The following GPHN variants were observed in gnomAD, a reference collection of about 807,000 sequenced individuals.
The protein encoded by GPHN is gephyrin.
GPHN carries 17 observed loss-of-function variants against 95.5 expected under a neutral mutation model. That is an observed-to-expected ratio of 0.18 (90% CI 0.12 to 0.27). The LOEUF is 0.27. Ranked by LOEUF, GPHN falls within the 10% of genes least tolerant of loss-of-function variation. The probability of loss-of-function intolerance (pLI) is 1.00; values close to 1 mark genes in which losing one functional copy is unlikely to be tolerated. For synonymous variants in GPHN, 320 were observed against 322.5 expected, an observed-to-expected ratio of 0.99 and a Z score of 0.08; for missense variants, 660 against 978.1, an observed-to-expected ratio of 0.67 and a Z score of 4.34.
chr14:66,559,876 T>C (rs1454747247), intron 1 of GPHN, among the ~76,000 whole-genome samples: 4 of 152,234 alleles, frequency 2.6e-5, no homozygotes, highest in African/African-American at 9.6e-5. Context: ...GTTTTAGGTC[T>C]AACATGTAAG....
In GPHN at chr14:66,880,352, T is replaced by C. The variant is rs950431920; in HGVS notation, c.389+319T>C. 6.3e-5 allele frequency among the ~76,000 whole-genome samples: 5 copies of C among 79,596 alleles called. No homozygotes were observed. The African/African-American group carries it at 9.6e-4, about 15-fold the overall frequency. The allele number at this position is 79,596 out of a possible 152,430, so 52.2% of individuals were successfully genotyped here. A position where few individuals can be genotyped will look rare whatever the true frequency, so the allele number is the denominator to read the frequency against. ...ACAATTTTCCCACTTCACTTCTTTT[T>C]GTTGTTGTTGTTGTTGTTGTTGTTG... is the stretch of plus-strand genomic sequence containing the variant. On this transcript the variant is annotated intron_variant, in intron 5 of 22. Transcript: ENST00000478722.
At chr14:67,582,039 A>G in the GPHN span, 1 of 1,593,666 alleles carries the variant, frequency 6.3e-7, no homozygotes, top group East Asian at 2.2e-5. This position sits in a 1 kb window ranked among gnomAD's most constrained non-coding sequence, Gnocchi z 5.0. Flanking sequence ...ATCCCTGCTG[A>G]GTCCTGGTTT....
chr14:67,606,612 G>A, the GPHN span, among the ~76,000 whole-genome samples: 6 of 150,842 alleles, frequency 4.0e-5, no homozygotes, highest in Non-Finnish European at 8.8e-5. Context: ...CAAAGGAAAG[G>A]TAAAAAAGCC....
chr14:67,617,407 G>A, the GPHN span: 8 of 152,132 alleles, frequency 5.3e-5, no homozygotes, highest in African/African-American at 9.7e-5. Flanking sequence ...CACTACGTTC[G>A]GACCAAACTG....
At chr14:67,450,860 A>G in the GPHN span, among the ~76,000 whole-genome samples, 1 of 152,234 alleles carries the variant, frequency 6.6e-6, no homozygotes, top group Non-Finnish European at 1.5e-5. Flanking sequence ...AATCCCCAAG[A>G]CAATGGGGAA....
chr14:67,371,098 G>A, the GPHN span, among the ~76,000 whole-genome samples: 2 of 152,062 alleles, frequency 1.3e-5, no homozygotes, highest in Admixed American at 1.3e-4. Flanking sequence ...GAAATAAGAT[G>A]AGTCATAATA....
the GPHN span, among the ~76,000 whole-genome samples, chr14:67,346,997 T>C: frequency 6.6e-6 from 1 of 152,214 alleles, no homozygotes; most frequent in East Asian, 1.9e-4. Context: ...AAGACCTTTT[T>C]CTTTTTTGAG....
chr14:67,325,813 C>CTT, the GPHN span, among the ~76,000 whole-genome samples: 19 of 142,982 alleles, frequency 1.3e-4, no homozygotes, highest in South Asian at 4.5e-4. Flanking sequence ...TGTTAAGCAT[C>CTT]TTTTTTTTTT....
chr14:66,679,536 CT>C (rs2066817722), intron 1 of GPHN, among the ~76,000 whole-genome samples: 2 of 152,054 alleles, frequency 1.3e-5, no homozygotes. Context: ...AGTATTGTTT[CT>C]CCTCACTTTC....
intron 10 of GPHN, among the ~76,000 whole-genome samples, chr14:67,024,223 A>G (rs2073812211): frequency 6.6e-6 from 1 of 152,198 alleles, no homozygotes. Context: ...TTAACTCTGT[A>G]TATCATTCAT....
chr14:66,729,679 C>G (rs551400328), intron 2 of GPHN, among the ~76,000 whole-genome samples: 2 of 152,230 alleles, frequency 1.3e-5, no homozygotes, highest in East Asian at 3.9e-4. Flanking sequence ...TATATATTAA[C>G]TTGATATGAA....
intron 1 of GPHN, among the ~76,000 whole-genome samples, chr14:66,673,011 T>C (rs1388246988): frequency 6.6e-6 from 1 of 152,218 alleles, no homozygotes; most frequent in Non-Finnish European, 1.5e-5. Flanking sequence ...TTCTACCTTT[T>C]GTGTTTCTAA....
At position 66,918,231 on chromosome 14, in the gene GPHN, AT is replaced by A. The variant is rs1398871184; in HGVS notation, c.456+2163del. Among the ~76,000 whole-genome samples, 4 of 152,310 alleles carry A rather than the reference AT, an allele frequency of 2.6e-5. No individual in the cohort carries two copies. The East Asian group carries it at 7.7e-4, about 29-fold the overall frequency. On this transcript the variant is annotated intron_variant, in intron 6 of 22. Transcript: ENST00000478722. Reference sequence around the variant, plus strand: ...TCTGTTGTCCTCTCTCTTTGGAGACATGGACATGTCACCCTTCTGGCGTCAA... The same window carrying A: ...TCTGTTGTCCTCTCTCTTTGGAGACAGGACATGTCACCCTTCTGGCGTCAA...
At chr14:67,035,160 G>A (rs536085465) in intron 10 of GPHN, among the ~76,000 whole-genome samples, 48 of 151,688 alleles carry the variant, frequency 3.2e-4, no homozygotes, top group African/African-American at 1.2e-3. Context: ...CAACCAGTAG[G>A]TCAAAGGAAA....
chr14:67,224,676 A>G, the GPHN span: 2 of 322,582 alleles, frequency 6.2e-6, no homozygotes, highest in South Asian at 2.5e-5. Context: ...TGATTCTTTG[A>G]TATTTTTTCC....
At chr14:67,269,127 G>C in the GPHN span, among the ~76,000 whole-genome samples, 1 of 152,070 alleles carries the variant, frequency 6.6e-6, no homozygotes, top group Non-Finnish European at 1.5e-5. Context: ...TACAGTATGT[G>C]GTCGTGGTCC....
At chr14:66,687,678 A>G (rs574637825) in intron 2 of GPHN, among the ~76,000 whole-genome samples, 54 of 151,956 alleles carry the variant, frequency 3.6e-4, no homozygotes, top group Middle Eastern at 6.8e-3. Flanking sequence ...TAGTAGAGAC[A>G]GGGTTTCTCC....
At chr14:67,053,957 A>G (rs986740044) in intron 10 of GPHN, among the ~76,000 whole-genome samples, 1 of 152,176 alleles carries the variant, frequency 6.6e-6, no homozygotes, top group East Asian at 1.9e-4. Flanking sequence ...TTGTTGGAAC[A>G]TACCTCAAAA....
At chr14:67,710,396 A>G in the GPHN span, among the ~76,000 whole-genome samples, 4 of 152,234 alleles carry the variant, frequency 2.6e-5, no homozygotes, top group Non-Finnish European at 5.9e-5. Flanking sequence ...TGATCATATA[A>G]AAGTTTTTGG....
Sources: gnomAD v4.1 joint callset for allele counts (sites outside exome capture counted in the v4.1 genomes callset) on GRCh38, gnomAD v4.1.1 for gene constraint, Gnocchi (gnomAD v3.1) non-coding constraint, MANE v1.5 for transcripts, NCBI Gene and HGNC (gene_info 2026-07-23, HGNC 2026-07-21) for gene names.